LRRIQ3: variants seen among roughly 807,000 people sequenced by gnomAD.
LRRIQ3 encodes the protein leucine rich repeats and IQ motif containing 3, also known as leucine-rich repeat and IQ domain-containing protein 3.
A neutral mutation model predicts 59.3 loss-of-function variants in LRRIQ3; 75 were observed. The ratio of observed to expected loss-of-function variants is 1.26; its 90% CI spans 1.05 to 1.53. The LOEUF (loss-of-function observed/expected upper bound fraction) is 1.53. Among genes scored for constraint, LRRIQ3 ranks in the 40% most tolerant of loss-of-function variants. LRRIQ3 has a pLI of 0.00. For missense variants in LRRIQ3, 831 were observed against 710.0 expected (o/e 1.17, Z -1.94); for synonymous variants, 250 against 231.3 (o/e 1.08, Z -0.73).
At position 74,125,829 on chromosome 1, in the gene LRRIQ3, T is replaced by C. The variant is rs894024650; in HGVS notation, c.708-16276A>G. 2.0e-5 allele frequency among the ~76,000 whole-genome samples: 3 copies of C among 151,958 alleles called. No individual in the cohort carries two copies. In the South Asian group the frequency reaches 6.2e-4, roughly 32 times the overall value. On this transcript the variant is annotated intron_variant, in intron 4 of 7. Coordinates refer to ENST00000354431, the MANE Select transcript of LRRIQ3 (RefSeq NM_001105659.2). ...TGTAGTTTTCTGTTTTTGACCTGTCTTTTTCTGATTCTTTTATCAGGATAA... is the reference window on the plus strand; with the variant it reads ...TGTAGTTTTCTGTTTTTGACCTGTCCTTTTCTGATTCTTTTATCAGGATAA...
At chr1:74,123,049 C>T (rs1483791) in intron 4 of LRRIQ3, among the ~76,000 whole-genome samples, 74,845 of 152,004 alleles carry the variant, frequency 0.49, 18,731 homozygotes, top group East Asian at 0.77. Context: ...TTAGCCCCCA[C>T]TCATTTGTGG....
At chr1:74,156,807 G>C (rs1021340877) in intron 3 of LRRIQ3, among the ~76,000 whole-genome samples, 2 of 152,070 alleles carry the variant, frequency 1.3e-5, no homozygotes, top group African/African-American at 4.8e-5. Context: ...AAAATTTTTA[G>C]ATTTGAGATC....
rs1441588292 is a variant in LRRIQ3, at chr1:74,041,516, A to G, written c.1415T>C (p.Ile472Thr). Residue 472 changes from isoleucine (I) to threonine (T), a missense_variant, in exon 7 of 8, where the codon ATT (isoleucine) becomes ACT (threonine). Physicochemically the swap from Ile to Thr is moderately conservative, Grantham distance 89. Transcript: ENST00000354431. ...NQKKYATQKL[I>T]EENKETIQNS... ...CTGAATTGTCTCTTTATTTTCTTCA[A>G]TTAGTTTTTGTGTAGCATATTTTTT... 4 of 1,611,324 alleles carry G rather than the reference A, an allele frequency of 2.5e-6. No homozygotes were observed. The highest frequency in any genetic ancestry group is 1.1e-5 in the South Asian group (1 of 90,308).
intron 5 of LRRIQ3, among the ~76,000 whole-genome samples, chr1:74,096,711 T>C (rs768037842): frequency 3.9e-5 from 6 of 152,096 alleles, no homozygotes; most frequent in Non-Finnish European, 7.4e-5. Flanking sequence ...GATGGTGACA[T>C]ACAGATGGGG....
At chr1:74,180,889 AG>A in intron 3 of LRRIQ3, 1 of 1,170,582 alleles carries the variant, frequency 8.5e-7, no homozygotes, top group East Asian at 2.6e-5. Context: ...TACCCCTTTC[AG>A]TCTGTGTTAA....
intron 4 of LRRIQ3, among the ~76,000 whole-genome samples, chr1:74,145,098 C>G (rs142379506): frequency 9.2e-5 from 14 of 152,196 alleles, no homozygotes; most frequent in South Asian, 4.1e-4. Context: ...TTGGGTACCT[C>G]TACTAATGTT....
rs1653527017 is a variant in LRRIQ3, at chr1:74,026,774, A to T, written c.*39T>A. ...ATTCCTTCAACTAAAAATAATGACT[A>T]TAATTTAAGATGATCATAGGATGTG... On this transcript the variant is annotated 3_prime_UTR_variant, in exon 8 of 8. Coordinates refer to ENST00000354431, the MANE Select transcript of LRRIQ3 (RefSeq NM_001105659.2). 6.6e-7 allele frequency: 1 copy of T among 1,517,280 alleles called. No individual in the cohort carries two copies. Among genetic ancestry groups the T allele is most frequent in the South Asian group, 1.2e-5 (1 of 80,764 alleles). 94.0% of individuals were successfully genotyped at this position (1,517,280 alleles called of 1,614,324 possible). A position where few individuals can be genotyped will look rare whatever the true frequency, so the allele number is the denominator to read the frequency against.
intron 4 of LRRIQ3, among the ~76,000 whole-genome samples, chr1:74,151,312 C>T (rs1264926895): frequency 2.0e-5 from 3 of 152,238 alleles, no homozygotes; most frequent in African/African-American, 4.8e-5. Flanking sequence ...TTTTTAAAGG[C>T]ACTGTGGGAT....
chr1:74,145,212 T>C lies in LRRIQ3; in HGVS notation c.707+10521A>G, dbSNP rs74887226. Among the ~76,000 whole-genome samples, 735 of 152,196 alleles carry C rather than the reference T, an allele frequency of 4.8e-3. 3 individuals carry two copies. The highest frequency in any genetic ancestry group is 0.017 in the African/African-American group (696 of 41,540). ...GACTTAGCTTAACCAATTCGGTGCTTTTTCCCTGGATTTTTACTTGTCAGG... is the reference window on the plus strand; with the variant it reads ...GACTTAGCTTAACCAATTCGGTGCTCTTTCCCTGGATTTTTACTTGTCAGG... On this transcript the variant is annotated intron_variant, in intron 4 of 7. Transcript: ENST00000354431.
At chr1:74,126,850 T>G (rs1646942665) in intron 4 of LRRIQ3, among the ~76,000 whole-genome samples, 1 of 151,966 alleles carries the variant, frequency 6.6e-6, no homozygotes, top group South Asian at 2.1e-4. Flanking sequence ...GCTCTGTAAA[T>G]ATCTATTAGG....
chr1:74,041,511 C>A lies in LRRIQ3; in HGVS notation c.1420G>T (p.Glu474Ter). The A allele has an allele frequency of 6.2e-7, 1 of 1,611,418 alleles. No homozygotes were observed. The highest frequency in any genetic ancestry group is 8.5e-7 in the Non-Finnish European group (1 of 1,179,374). Reference sequence around the variant, plus strand: ...CTGTTCTGAATTGTCTCTTTATTTTCTTCAATTAGTTTTTGTGTAGCATAT... The same window carrying A: ...CTGTTCTGAATTGTCTCTTTATTTTATTCAATTAGTTTTTGTGTAGCATAT... ...KKYATQKLIE[E>*]NKETIQNSLR... The change falls in exon 7 of 8, where the codon GAA (glutamate) becomes TAA (stop). Residue 474 changes from glutamate (E) to a stop codon, truncating the protein, a stop_gained. Transcript: ENST00000354431. LOFTEE classifies it high-confidence loss of function.
rs140143126 is a variant in LRRIQ3 at position 74,092,702 on chromosome 1, A to C, written c.867+16692T>G. Among the ~76,000 whole-genome samples the C allele has an allele frequency of 1.5e-4, 23 of 152,154 alleles. No homozygotes were observed. In the East Asian group the frequency reaches 4.3e-3, roughly 28 times the overall value. Reference sequence around the variant, plus strand: ...GAAATAAGAGATGGAAATAGAATAAAATTTTTGATAAGGCAGGTACTCTTT... The same window carrying C: ...GAAATAAGAGATGGAAATAGAATAACATTTTTGATAAGGCAGGTACTCTTT... On this transcript the variant is annotated intron_variant, in intron 5 of 7. Coordinates refer to ENST00000354431, the MANE Select transcript of LRRIQ3 (RefSeq NM_001105659.2).
At chr1:74,173,856 T>A (rs1003191806) in intron 3 of LRRIQ3, among the ~76,000 whole-genome samples, 1 of 152,298 alleles carries the variant, frequency 6.6e-6, no homozygotes, top group African/African-American at 2.4e-5. Context: ...ATCTCTCTTT[T>A]ATTTTTTGAA....
At chr1:74,107,355 C>G (rs1413338150) in intron 5 of LRRIQ3, among the ~76,000 whole-genome samples, 1 of 151,536 alleles carries the variant, frequency 6.6e-6, no homozygotes, top group Non-Finnish European at 1.5e-5. Flanking sequence ...ATTAAATGTT[C>G]ATGTTTTCTC....
chr1:74,091,303 GAAAATGGAAACACTATCTGGAGGAAAGTA>G (rs928249340), intron 5 of LRRIQ3, among the ~76,000 whole-genome samples: 1 of 152,076 alleles, frequency 6.6e-6, no homozygotes, highest in Non-Finnish European at 1.5e-5. Context: ...TCTAGTGGTA[GAAAATGGAAACACTATCTGGAGGAAAGTA>G]CCTTCATTCT....
rs114047573 is a variant in LRRIQ3 at position 74,130,397 on chromosome 1, C to T, written c.708-20844G>A. Among the ~76,000 whole-genome samples the T allele has an allele frequency of 9.6e-3, 1,462 of 152,156 alleles. 30 individuals are homozygous for T. Among genetic ancestry groups the T allele is most frequent in the African/African-American group, 0.033 (1,374 of 41,552 alleles). ...ACTGTGACAGGGCAGCACTAAATTT[C>T]AATGCAAAGTTCCACAATTACTGTG... is the stretch of plus-strand genomic sequence containing the variant. On this transcript the variant is annotated intron_variant, in intron 4 of 7. Coordinates refer to ENST00000354431, the MANE Select transcript of LRRIQ3 (RefSeq NM_001105659.2).
intron 4 of LRRIQ3, among the ~76,000 whole-genome samples, chr1:74,151,720 C>A (rs1018480176): frequency 6.6e-6 from 1 of 152,082 alleles, no homozygotes; most frequent in Non-Finnish European, 1.5e-5. Context: ...TCTTACAGGT[C>A]AAAGCCCAAA....
At chr1:74,156,862 A>C (rs924906183) in intron 3 of LRRIQ3, among the ~76,000 whole-genome samples, 17 of 152,156 alleles carry the variant, frequency 1.1e-4, no homozygotes, top group African/African-American at 4.1e-4. Context: ...GTTAGAAATA[A>C]GGTCACTGTT....
At chr1:74,128,969 C>G (rs116795402) in intron 4 of LRRIQ3, among the ~76,000 whole-genome samples, 88 of 152,138 alleles carry the variant, frequency 5.8e-4, no homozygotes, top group African/African-American at 2.0e-3. Flanking sequence ...TAAACAGTCT[C>G]TCTCTGTGAT....
Sources: allele counts gnomAD v4.1 joint callset (sites outside exome capture counted in the v4.1 genomes callset), GRCh38; gene constraint gnomAD v4.1.1; transcripts MANE v1.5; gene names NCBI Gene and HGNC (gene_info 2026-07-23, HGNC 2026-07-21).